Variants in HAAO observed in about 807,000 individuals in gnomAD.
HAAO encodes the protein 3-hydroxyanthranilate 3,4-dioxygenase.
A neutral mutation model predicts 46.2 loss-of-function variants in HAAO; 49 were observed. That is an observed-to-expected ratio of 1.06 (90% CI 0.84 to 1.34). The LOEUF (loss-of-function observed/expected upper bound fraction) is 1.34, where lower values mean the gene tolerates loss of function less well. Among genes scored for constraint, HAAO ranks in the 40% most tolerant of loss-of-function variants. The probability of loss-of-function intolerance (pLI) is 0.00; values close to 1 mark genes in which losing one functional copy is unlikely to be tolerated. For missense variants in HAAO, 408 were observed against 364.5 expected, an observed-to-expected ratio of 1.12 and a Z score of -0.97; for synonymous variants, 157 against 145.2, an observed-to-expected ratio of 1.08 and a Z score of -0.58.
intron 1 of HAAO, among the ~76,000 whole-genome samples, chr2:42,791,777 T>G (rs1672816973): frequency 6.6e-6 from 1 of 151,888 alleles, no homozygotes; most frequent in South Asian, 2.1e-4. Flanking sequence ...GGCCCCGCCA[T>G]GGAACTGGGG....
intron 7 of HAAO, among the ~76,000 whole-genome samples, chr2:42,768,470 G>C (rs1376297906): frequency 6.6e-6 from 1 of 152,318 alleles, no homozygotes; most frequent in East Asian, 1.9e-4. Context: ...GTGGGGTGCA[G>C]GGCTGAGTGG....
At position 42,767,648 on chromosome 2, in the gene HAAO, TCC is replaced by T; in HGVS notation, c.727_728del (p.Gly243ThrfsTer8). 6.4e-7 allele frequency: 1 copy of T among 1,567,806 alleles called. No homozygotes were observed. Among genetic ancestry groups the T allele is most frequent in the Non-Finnish European group, 8.7e-7 (1 of 1,155,776 alleles). ...CATCAGGGGCCAGGCTCAGGCGCCG[TCC>T]CCCCATTGTCACCACCGAGGAGCCC... ...LEGSSVVTMG[G>X]RRLSLAPDDS... On this transcript the variant is annotated frameshift_variant, in exon 9 of 10. Transcript: ENST00000294973. LOFTEE classifies it high-confidence loss of function.
chr2:42,768,667 C>G (rs1420309415), intron 7 of HAAO, among the ~76,000 whole-genome samples: 1 of 152,180 alleles, frequency 6.6e-6, no homozygotes, highest in Non-Finnish European at 1.5e-5. Context: ...GAACACAGGT[C>G]TCCCTGCACC....
chr2:42,782,672 C>A (rs1424969955), intron 4 of HAAO: 4 of 184,528 alleles, frequency 2.2e-5, no homozygotes, highest in Non-Finnish European at 4.6e-5. Context: ...CAAAGTTACC[C>A]CTCTGCTCAC....
At chr2:42,787,762 G>A (rs1278320186) in intron 2 of HAAO, among the ~76,000 whole-genome samples, 1 of 152,208 alleles carries the variant, frequency 6.6e-6, no homozygotes, top group Admixed American at 6.5e-5. Flanking sequence ...TCCCTGAGAG[G>A]ATGGGGAGCC....
intron 4 of HAAO, among the ~76,000 whole-genome samples, chr2:42,780,894 T>C (rs56346946): frequency 0.37 from 50,830 of 138,682 alleles, 10,146 homozygotes; most frequent in African/African-American, 0.51. Context: ...GGTGAAACCC[T>C]GTCTCTACTA....
At chr2:42,769,890 C>A in intron 6 of HAAO, 32 bp from the exon 7 acceptor site, 1 of 1,572,586 alleles carries the variant, frequency 6.4e-7, no homozygotes. Flanking sequence ...AGTCGGTGTC[C>A]TCAGGACCCA....
At chr2:42,789,931 G>A (rs1414787694) in intron 1 of HAAO, among the ~76,000 whole-genome samples, 3 of 152,250 alleles carry the variant, frequency 2.0e-5, no homozygotes, top group African/African-American at 4.8e-5. Context: ...GTTCTCAGGT[G>A]GCCCTGCCAC....
chr2:42,783,828 G>C lies in HAAO; in HGVS notation c.199C>G (p.Leu67Val), dbSNP rs199652625. The change falls in exon 3 of 10, where the codon CTG (leucine) becomes GTG (valine). Residue 67 changes from leucine to valine, a missense_variant. Physicochemically the swap from Leu to Val is conservative, Grantham distance 32. Coordinates refer to ENST00000294973, the MANE Select transcript of HAAO (RefSeq NM_012205.3). ...QLEGDMVLRVLEQGKHRDVVI... is the reference protein window; with the variant it reads ...QLEGDMVLRVVEQGKHRDVVI... ...ACATCCCGGTGTTTCCCTTGCTCCA[G>C]GACTCGGAGAACCATGTCTCCCTCC... The C allele has an allele frequency of 4.3e-6, 7 of 1,612,928 alleles. No homozygotes were observed. In the Admixed American group the frequency reaches 1.0e-4, roughly 23 times the overall value.
chr2:42,770,252 A>T, intron 5 of HAAO, 66 bp from the exon 6 acceptor site: 3 of 1,323,554 alleles, frequency 2.3e-6, no homozygotes, highest in Non-Finnish European at 3.2e-6. Flanking sequence ...AGCGACACAC[A>T]CATACACCAC....
At position 42,767,662 on chromosome 2, in the gene HAAO, C is replaced by T; in HGVS notation, c.715G>A (p.Val239Met). 6.4e-7 allele frequency: 1 copy of T among 1,567,416 alleles called. No individual in the cohort carries two copies. The highest frequency in any genetic ancestry group is 8.7e-7 in the Non-Finnish European group (1 of 1,155,308). The change falls in exon 9 of 10, where the codon GTG becomes ATG. Residue 239 changes from valine (V) to methionine (M), a missense_variant. Transcript: ENST00000294973. Reference protein sequence around the residue: ...WLWQLEGSSVVTMGGRRLSLA... With the variant: ...WLWQLEGSSVMTMGGRRLSLA... ...CTCAGGCGCCGTCCCCCCATTGTCA[C>T]CACCGAGGAGCCCTCCTGGAGAAGA...
At position 42,782,905 on chromosome 2, in the gene HAAO, C is replaced by T. The variant is rs562631900; in HGVS notation, c.350+409G>A. The T allele has an allele frequency of 1.8e-3, 854 of 461,850 alleles. 5 individuals carry two copies. Among genetic ancestry groups the T allele is most frequent in the Non-Finnish European group, 3.2e-3 (743 of 230,380 alleles). 28.6% of individuals were successfully genotyped at this position (461,850 alleles called of 1,614,324 possible). On this transcript the variant is annotated intron_variant, in intron 4 of 9. Transcript: ENST00000294973. ...TCTCCCTAAAATGTATAAAGCCGAG[C>T]TGTGCTCTTACGACTTTGGGCACAT... is the stretch of plus-strand genomic sequence containing the variant.
intron 4 of HAAO, among the ~76,000 whole-genome samples, chr2:42,776,095 C>G (rs904845125): frequency 6.6e-6 from 1 of 151,616 alleles, no homozygotes; most frequent in African/African-American, 2.4e-5. Context: ...TTTTGGAGAC[C>G]CAGGATTCGG....
At chr2:42,781,842 C>G (rs1000668910) in intron 4 of HAAO, among the ~76,000 whole-genome samples, 1 of 151,798 alleles carries the variant, frequency 6.6e-6, no homozygotes, top group African/African-American at 2.4e-5. Context: ...CCATTGCACT[C>G]CAGCCTGGGC....
intron 4 of HAAO, chr2:42,782,665 A>C (rs1436587932): frequency 1.2e-5 from 2 of 168,174 alleles, no homozygotes; most frequent in African/African-American, 4.8e-5. Context: ...TTCGATGCAA[A>C]GTTACCCCTC....
At chr2:42,776,633 C>CTTT (rs1219622958) in intron 4 of HAAO, among the ~76,000 whole-genome samples, 1 of 134,112 alleles carries the variant, frequency 7.5e-6, no homozygotes, top group African/African-American at 2.7e-5. Flanking sequence ...GAGTTGTTTC[C>CTTT]TTTTTTTTTT....
At position 42,767,433 on chromosome 2, in the gene HAAO, A is replaced by C. The variant is rs941009250; in HGVS notation, c.*4T>G. The C allele has an allele frequency of 6.2e-7, 1 of 1,608,996 alleles. No individual in the cohort carries two copies. Among genetic ancestry groups the C allele is most frequent in the Non-Finnish European group, 8.5e-7 (1 of 1,176,658 alleles). The stretch of plus-strand genomic sequence containing the variant: ...TGTGGCTGCTTCAGGCCATGGCAAG[A>C]GGGTCACCCCAGGGGCTTCTTGCAG... On this transcript the variant is annotated 3_prime_UTR_variant, in exon 10 of 10. Coordinates refer to ENST00000294973, the MANE Select transcript of HAAO (RefSeq NM_012205.3).
In HAAO at chr2:42,783,428, GGTAGAGATA is replaced by G. The variant is rs956343902; in HGVS notation, c.244-17_244-9del. 1 of 1,556,992 alleles carries G rather than the reference GGTAGAGATA, an allele frequency of 6.4e-7. No individual in the cohort carries two copies. The highest frequency in any genetic ancestry group is 2.2e-5 in the East Asian group (1 of 44,448). ...GGCAGGCAGGAGGAATATCTGCAGT[GGTAGAGATA>G]AGGTGCACAGTGAGGCTGCAATCCC... On this transcript the variant is annotated splice_polypyrimidine_tract_variant and intron_variant, in intron 3 of 9. Coordinates refer to ENST00000294973, the MANE Select transcript of HAAO (RefSeq NM_012205.3).
chr2:42,768,024 G>T, intron 7 of HAAO, 96 bp from the exon 8 acceptor site: 1 of 1,091,642 alleles, frequency 9.2e-7, no homozygotes, highest in Non-Finnish European at 1.4e-6. Flanking sequence ...GCTTGGAGCA[G>T]GGTTGGGGCC....
Sources: allele counts gnomAD v4.1 joint callset (sites outside exome capture counted in the v4.1 genomes callset), GRCh38; gene constraint gnomAD v4.1.1; transcripts MANE v1.5; gene names NCBI Gene and HGNC (gene_info 2026-07-23, HGNC 2026-07-21).